DLG2: variants seen among roughly 807,000 people sequenced by gnomAD.
DLG2 encodes disks large homolog 2.
Under a neutral mutation model 132.5 loss-of-function variants are expected in DLG2, and 45 were observed. The ratio of observed to expected loss-of-function variants is 0.34; its 90% CI spans 0.27 to 0.44. The LOEUF is 0.44. Ranked by LOEUF, DLG2 falls within the 20% of genes least tolerant of loss-of-function variation. The probability of loss-of-function intolerance (pLI) is 1.00; values close to 1 mark genes in which losing one functional copy is unlikely to be tolerated. For missense variants in DLG2, 1,045 were observed against 1,196.9 expected, an observed-to-expected ratio of 0.87 and a Z score of 1.87; for synonymous variants, 424 against 419.6, an observed-to-expected ratio of 1.01 and a Z score of -0.13.
intron 4 of DLG2, among the ~76,000 whole-genome samples, chr11:85,220,637 A>AAAAAAAAAAAT (rs371263007): frequency 6.7e-6 from 1 of 148,262 alleles, no homozygotes; most frequent in African/African-American, 2.5e-5. Flanking sequence ...TAGAAAAAAA[A>AAAAAAAAAAAT]ATATATATAT....
intron 17 of DLG2, chr11:83,791,346 A>G: frequency 3.0e-6 from 2 of 668,274 alleles, no homozygotes; most frequent in Non-Finnish European, 5.3e-6. Flanking sequence ...TTTTTAACGT[A>G]TCCATCAAGC....
chr11:84,342,832 G>A (rs956514784), intron 7 of DLG2, among the ~76,000 whole-genome samples: 7 of 152,100 alleles, frequency 4.6e-5, no homozygotes, highest in African/African-American at 1.7e-4. Context: ...CGCCAACACC[G>A]ATAATATCAA....
intron 6 of DLG2, among the ~76,000 whole-genome samples, chr11:84,862,836 A>G (rs865970447): frequency 0.029 from 2,040 of 71,318 alleles, 59 homozygotes; most frequent in Non-Finnish European, 0.042. Context: ...GGGGTGGGGG[A>G]CTAGGGGAGG....
chr11:84,291,336 C>T (rs569090052), intron 7 of DLG2, among the ~76,000 whole-genome samples: 2 of 152,068 alleles, frequency 1.3e-5, no homozygotes, highest in Non-Finnish European at 2.9e-5. Flanking sequence ...CCAAGTTAGA[C>T]TAAATGGGCA....
At chr11:84,560,778 G>C (rs2099426413) in intron 6 of DLG2, among the ~76,000 whole-genome samples, 1 of 151,988 alleles carries the variant, frequency 6.6e-6, no homozygotes, top group African/African-American at 2.4e-5. Flanking sequence ...AGATGGAGTA[G>C]GTATTACTTC....
At chr11:85,426,652 G>T (rs1220841023) in intron 3 of DLG2, among the ~76,000 whole-genome samples, 1 of 152,130 alleles carries the variant, frequency 6.6e-6, no homozygotes, top group East Asian at 1.9e-4. Context: ...AAGACCAAAG[G>T]TAGATAAAAC....
At chr11:84,898,974 G>T (rs943373384) in intron 6 of DLG2, among the ~76,000 whole-genome samples, 6 of 152,014 alleles carry the variant, frequency 3.9e-5, no homozygotes, top group African/African-American at 1.4e-4. Context: ...AGGTGAGATT[G>T]AATTTTATTC....
chr11:85,277,906 T>C (rs1036108073), intron 4 of DLG2, among the ~76,000 whole-genome samples: 9 of 152,218 alleles, frequency 5.9e-5, no homozygotes, highest in Non-Finnish European at 8.8e-5. Context: ...CTACTATGCA[T>C]GATACTGCCA....
chr11:84,074,529 ATTTT>A (rs59822508), intron 10 of DLG2, among the ~76,000 whole-genome samples: 1 of 139,330 alleles, frequency 7.2e-6, no homozygotes, highest in Non-Finnish European at 1.6e-5. Flanking sequence ...AGAGTTTCTA[ATTTT>A]TTTTTTTTTT....
intron 3 of DLG2, among the ~76,000 whole-genome samples, chr11:85,551,670 A>C (rs938941220): frequency 3.9e-5 from 6 of 152,106 alleles, no homozygotes; most frequent in African/African-American, 9.7e-5. Flanking sequence ...TGTTGCATGC[A>C]AATAATATCA....
In DLG2 at chr11:83,912,174, TGTCAAATGGAGACATA is replaced by T. The variant is rs567861033; in HGVS notation, c.1496+18138_1496+18153del. ...TGTCATCAAAATTATATAAAATTTT[TGTCAAATGGAGACATA>T]TGTCAAATGGAGACATATGTGATGT... On this transcript the variant is annotated intron_variant, in intron 15 of 27. Transcript: ENST00000376104. Among the ~76,000 whole-genome samples, 255 of 151,706 alleles carry T rather than the reference TGTCAAATGGAGACATA, an allele frequency of 1.7e-3. 1 individual carries two copies. Among genetic ancestry groups the T allele is most frequent in the African/African-American group, 5.2e-3 (217 of 41,348 alleles).
chr11:84,133,173 G>A (rs1230514964), intron 9 of DLG2, among the ~76,000 whole-genome samples: 1 of 152,004 alleles, frequency 6.6e-6, no homozygotes, highest in Non-Finnish European at 1.5e-5. Context: ...TTTTTCTTCT[G>A]AGATAGCAAT....
intron 6 of DLG2, among the ~76,000 whole-genome samples, chr11:84,851,292 T>G (rs370185337): frequency 3.8e-4 from 58 of 152,240 alleles, no homozygotes; most frequent in African/African-American, 1.3e-3. Flanking sequence ...ATTTGAGAGT[T>G]TCATGCATAT....
At chr11:84,784,259 T>G (rs113499993) in intron 6 of DLG2, among the ~76,000 whole-genome samples, 39,667 of 147,544 alleles carry the variant, frequency 0.27, 5,839 homozygotes, top group Middle Eastern at 0.33. Flanking sequence ...GGTGGAGGTT[T>G]CAGTGAGCCG....
At chr11:85,496,195 C>T (rs1481169927) in intron 3 of DLG2, among the ~76,000 whole-genome samples, 2 of 152,114 alleles carry the variant, frequency 1.3e-5, no homozygotes, top group African/African-American at 4.8e-5. Flanking sequence ...ATACTCCTGC[C>T]CAAATACTGC....
At chr11:84,371,914 C>A (rs1410324385) in intron 7 of DLG2, among the ~76,000 whole-genome samples, 1 of 152,146 alleles carries the variant, frequency 6.6e-6, no homozygotes, top group Non-Finnish European at 1.5e-5. Flanking sequence ...CGGAAAAGGG[C>A]AGTCATTTTG....
chr11:85,200,234 G>C (rs1375311065), intron 4 of DLG2, among the ~76,000 whole-genome samples: 1 of 152,160 alleles, frequency 6.6e-6, no homozygotes, highest in Non-Finnish European at 1.5e-5. Flanking sequence ...AAAGAGCTTA[G>C]CTATAGCCCT....
intron 6 of DLG2, among the ~76,000 whole-genome samples, chr11:84,677,452 GA>G (rs1470494844): frequency 6.6e-6 from 1 of 152,024 alleles, no homozygotes; most frequent in Non-Finnish European, 1.5e-5. Flanking sequence ...TTTCTCTAGT[GA>G]CCATACTGGA....
chr11:84,587,124 T>A (rs573761612), intron 6 of DLG2, among the ~76,000 whole-genome samples: 21,000 of 152,188 alleles, frequency 0.14, 1,582 homozygotes, highest in African/African-American at 0.21. Context: ...AGGTGACAAC[T>A]TTTTGTCTGT....
Sources: gnomAD v4.1 joint callset for allele counts (sites outside exome capture counted in the v4.1 genomes callset) on GRCh38, gnomAD v4.1.1 for gene constraint, MANE v1.5 for transcripts, NCBI Gene and HGNC (gene_info 2026-07-23, HGNC 2026-07-21) for gene names.